Variants in SLC15A2 observed in about 807,000 individuals in gnomAD.
SLC15A2 encodes kidney H(+)/peptide cotransporter.
In SLC15A2, 77 loss-of-function variants were observed where a neutral mutation model predicts 95.5. The ratio of observed to expected loss-of-function variants is 0.81; its 90% CI spans 0.67 to 0.97. The LOEUF (loss-of-function observed/expected upper bound fraction) is 0.97. Ranked by LOEUF, SLC15A2 falls within the 50% of genes least tolerant of loss-of-function variation. The pLI, the probability that SLC15A2 is intolerant of heterozygous loss-of-function variation, is 0.00. For synonymous variants in SLC15A2, 306 were observed against 306.9 expected (o/e 1.00, Z 0.03); for missense variants, 893 against 874.4 (o/e 1.02, Z -0.27).
Position 121,897,534 on chromosome 3 carries a change from G to A in SLC15A2, c.335+5G>A. 6.2e-7 allele frequency: 1 copy of A among 1,613,820 alleles called. No homozygotes were observed. The highest frequency in any genetic ancestry group is 8.5e-7 in the Non-Finnish European group (1 of 1,179,948). On this transcript the variant is annotated splice_donor_5th_base_variant and intron_variant, in intron 3 of 21. Coordinates refer to ENST00000489711, the MANE Select transcript of SLC15A2 (RefSeq NM_021082.4). ...CTCGTGGTTGGGAAAATTCAAGTAA[G>A]GAAGATGGGAGGTCACATCCCTACA...
chr3:121,909,593 CTA>C (rs1436055733), intron 3 of SLC15A2, among the ~76,000 whole-genome samples: 1 of 152,044 alleles, frequency 6.6e-6, no homozygotes, highest in African/African-American at 2.4e-5. Context: ...CATAGCTAAA[CTA>C]TTTCCTATGA....
At chr3:121,929,495 G>A in intron 17 of SLC15A2, 147 bp downstream of exon 17, 1 of 763,170 alleles carries the variant, frequency 1.3e-6, no homozygotes, top group Non-Finnish European at 2.2e-6. Flanking sequence ...CATTTTCTAG[G>A]ACAGTGAGAG....
intron 19 of SLC15A2, among the ~76,000 whole-genome samples, chr3:121,936,636 T>G (rs1315102355): frequency 6.6e-6 from 1 of 152,008 alleles, no homozygotes; most frequent in Non-Finnish European, 1.5e-5. Context: ...CCTCCACCCT[T>G]TTATTTTGAG....
At chr3:121,926,759 G>A (rs1410778926) in intron 13 of SLC15A2, among the ~76,000 whole-genome samples, 2 of 152,348 alleles carry the variant, frequency 1.3e-5, no homozygotes, top group South Asian at 4.1e-4. Context: ...CTGGCAGCTT[G>A]CACCCTGGGC....
Position 121,943,850 on chromosome 3 carries a change from C to T in SLC15A2, c.*2843C>T, listed in dbSNP as rs1203477183. The T allele has an allele frequency of 6.6e-6, 1 of 152,204 alleles. No individual in the cohort carries two copies. Among genetic ancestry groups the T allele is most frequent in the Non-Finnish European group, 1.5e-5 (1 of 68,042 alleles). The allele number at this position is 152,204 out of a possible 1,614,324, so 9.4% of individuals were successfully genotyped here. Reference sequence around the variant, plus strand: ...GGCTACAAACCTGCACAGCATGTTACTGTATTAAATGCTGTAGGCAATTGT... The same window carrying T: ...GGCTACAAACCTGCACAGCATGTTATTGTATTAAATGCTGTAGGCAATTGT... On this transcript the variant is annotated 3_prime_UTR_variant, in exon 22 of 22. Coordinates refer to ENST00000489711, the MANE Select transcript of SLC15A2 (RefSeq NM_021082.4).
At chr3:121,905,089 T>C (rs1400982169) in intron 3 of SLC15A2, among the ~76,000 whole-genome samples, 1 of 152,222 alleles carries the variant, frequency 6.6e-6, no homozygotes, top group Non-Finnish European at 1.5e-5. Context: ...AGGGTGTATG[T>C]GTCCAGAAAT....
intron 7 of SLC15A2, among the ~76,000 whole-genome samples, chr3:121,920,369 C>T (rs770208168): frequency 6.6e-6 from 1 of 152,156 alleles, no homozygotes; most frequent in Non-Finnish European, 1.5e-5. Context: ...AATCTCAGCT[C>T]ACTGCAACCT....
chr3:121,908,162 C>G (rs1219924917), intron 3 of SLC15A2, among the ~76,000 whole-genome samples: 1 of 152,230 alleles, frequency 6.6e-6, no homozygotes, highest in African/African-American at 2.4e-5. Context: ...GTGAGCAAAG[C>G]TCCATGGGCA....
At position 121,896,532 on chromosome 3, in the gene SLC15A2, C is replaced by A. The variant is rs767327090; in HGVS notation, c.193+39C>A. The A allele has an allele frequency of 4.9e-6, 7 of 1,431,476 alleles. No homozygotes were observed. The South Asian group carries it at 8.0e-5, about 16-fold the overall frequency. 88.7% of individuals were successfully genotyped at this position (1,431,476 alleles called of 1,614,324 possible). A position where few individuals can be genotyped will look rare whatever the true frequency, so the allele number is the denominator to read the frequency against. On this transcript the variant is annotated intron_variant, in intron 2 of 21. Coordinates refer to ENST00000489711, the MANE Select transcript of SLC15A2 (RefSeq NM_021082.4). Reference sequence around the variant, plus strand: ...CAAGAGTCCTACCTACTCTCCTCCACCCACCCTCACCCCATGTTTGTGACA... The same window carrying A: ...CAAGAGTCCTACCTACTCTCCTCCAACCACCCTCACCCCATGTTTGTGACA...
chr3:121,929,439 C>T, intron 17 of SLC15A2, 91 bp downstream of exon 17: 1 of 1,361,132 alleles, frequency 7.3e-7, no homozygotes, highest in East Asian at 2.3e-5. Context: ...TTGTTCTGAA[C>T]AGGAATTCCC....
At chr3:121,915,581 G>T in intron 6 of SLC15A2, 35 bp from the exon 7 acceptor site, 1 of 1,477,464 alleles carries the variant, frequency 6.8e-7, no homozygotes, top group Non-Finnish European at 9.5e-7. Context: ...TCAAGACTCA[G>T]AGTTACTTTC....
intron 7 of SLC15A2, among the ~76,000 whole-genome samples, chr3:121,918,699 G>C (rs1226586092): frequency 2.6e-5 from 4 of 152,196 alleles, no homozygotes; most frequent in Non-Finnish European, 4.4e-5. Context: ...TCTTGGATAT[G>C]AAGAAGATTT....
rs560840625 is a variant in SLC15A2, at chr3:121,913,956, C to T, written c.528+836C>T. ...CTTTCTCTCTCTCCCCCCCACCTCC[C>T]GCCACTCTCTCTCTCTCTCTTTCCT... On this transcript the variant is annotated intron_variant, in intron 5 of 21. Coordinates refer to ENST00000489711, the MANE Select transcript of SLC15A2 (RefSeq NM_021082.4). Among the ~76,000 whole-genome samples, 18 of 150,972 alleles carry T rather than the reference C, an allele frequency of 1.2e-4. No individual in the cohort carries two copies. In the East Asian group the frequency reaches 2.6e-3, roughly 22 times the overall value.
chr3:121,912,886 A>C (rs1709799198), intron 4 of SLC15A2, 135 bp from the exon 5 acceptor site: 1 of 627,950 alleles, frequency 1.6e-6, no homozygotes. Context: ...AGGCAAATGG[A>C]AAGTACCCAT....
intron 6 of SLC15A2, 91 bp from the exon 7 acceptor site, chr3:121,915,525 C>G: frequency 9.9e-7 from 1 of 1,010,246 alleles, no homozygotes; most frequent in South Asian, 1.3e-5. Flanking sequence ...TCTACAAGCT[C>G]AGGTTTATTC....
At chr3:121,901,199 A>G (rs888023823) in intron 3 of SLC15A2, among the ~76,000 whole-genome samples, 6 of 151,982 alleles carry the variant, frequency 3.9e-5, no homozygotes, top group Non-Finnish European at 8.8e-5. Context: ...TTGTATTTTT[A>G]GTAGAGATGA....
chr3:121,931,079 T>G, intron 18 of SLC15A2, 129 bp downstream of exon 18: 1 of 614,076 alleles, frequency 1.6e-6, no homozygotes. Context: ...TACTGATCTT[T>G]TCCAACTCTT....
chr3:121,909,965 T>C (rs1709728737), intron 3 of SLC15A2, among the ~76,000 whole-genome samples: 1 of 144,446 alleles, frequency 6.9e-6, no homozygotes, highest in African/African-American at 2.6e-5. Flanking sequence ...ACCCAGACTA[T>C]ATCACTCCAG....
intron 14 of SLC15A2, 66 bp downstream of exon 14, chr3:121,927,905 T>A: frequency 8.1e-7 from 1 of 1,234,966 alleles, no homozygotes; most frequent in Non-Finnish European, 1.2e-6. Flanking sequence ...CTCTTTTGAC[T>A]TGTTCAGTCA....
Sources: gnomAD v4.1 joint callset for allele counts (sites outside exome capture counted in the v4.1 genomes callset) on GRCh38, gnomAD v4.1.1 for gene constraint, MANE v1.5 for transcripts, NCBI Gene and HGNC (gene_info 2026-07-23, HGNC 2026-07-21) for gene names.